SCRN1: variants seen among roughly 807,000 people sequenced by gnomAD.
SCRN1 encodes the protein secernin 1, also known as secernin-1.
SCRN1 carries 19 observed loss-of-function variants against 43.3 expected under a neutral mutation model. That is an observed-to-expected ratio of 0.44 (90% confidence interval 0.31 to 0.64). The LOEUF (loss-of-function observed/expected upper bound fraction) is 0.64, where lower values mean the gene tolerates loss of function less well. Among genes scored for constraint, SCRN1 ranks in the 30% least tolerant of loss-of-function variants. The pLI, the probability that SCRN1 is intolerant of heterozygous loss-of-function variation, is 0.09. For synonymous variants in SCRN1, 183 were observed against 188.9 expected, an observed-to-expected ratio of 0.97 and a Z score of 0.26; for missense variants, 447 against 524.1, an observed-to-expected ratio of 0.85 and a Z score of 1.44.
intron 2 of SCRN1, among the ~76,000 whole-genome samples, chr7:29,955,650 T>C (rs1216967335): frequency 6.6e-6 from 1 of 152,298 alleles, no homozygotes; most frequent in African/African-American, 2.4e-5. Context: ...GCCTGCCCAT[T>C]TCAACAGGCA....
chr7:29,948,972 C>A (rs766977268), intron 3 of SCRN1, among the ~76,000 whole-genome samples: 1 of 152,162 alleles, frequency 6.6e-6, no homozygotes, highest in Admixed American at 6.5e-5. Context: ...TAGTTCTCAT[C>A]CATGTTGAGG....
rs751577421 is a variant in SCRN1, at chr7:29,965,979, T to C, written c.159+2930A>G. On this transcript the variant is annotated intron_variant, in intron 2 of 7. Coordinates refer to ENST00000242059, the MANE Select transcript of SCRN1 (RefSeq NM_014766.5). The surrounding 1 kb of genome is among the most constrained non-coding windows in gnomAD (Gnocchi z 4.2). ...CTACTTAACAAATTACCCCAAAATT[T>C]AGTGGTGTAAAACAACTTTTTTAAT... is the stretch of plus-strand genomic sequence containing the variant. Among the ~76,000 whole-genome samples the C allele has an allele frequency of 2.6e-5, 4 of 152,116 alleles. No individual in the cohort carries two copies. The highest frequency in any genetic ancestry group is 4.8e-5 in the African/African-American group (2 of 41,394).
intron 2 of SCRN1, among the ~76,000 whole-genome samples, chr7:29,958,954 A>T (rs1454031349): frequency 6.6e-6 from 1 of 152,224 alleles, no homozygotes; most frequent in Non-Finnish European, 1.5e-5. Flanking sequence ...GTTAGGTTGG[A>T]GGATAGAAAA....
At chr7:29,947,159 T>G in intron 3 of SCRN1, 1 of 1,544,330 alleles carries the variant, frequency 6.5e-7, no homozygotes, top group Non-Finnish European at 8.7e-7. Flanking sequence ...GCAGTTCGAA[T>G]TCTTCCAAAG....
chr7:29,975,413 A>G (rs1788793905), intron 1 of SCRN1, among the ~76,000 whole-genome samples: 1 of 152,230 alleles, frequency 6.6e-6, no homozygotes, highest in Non-Finnish European at 1.5e-5. Context: ...GTGTTACACT[A>G]TAGGCCTGAA....
intron 1 of SCRN1, chr7:29,969,321 C>T (rs1583689581): frequency 2.0e-6 from 1 of 489,008 alleles, no homozygotes; most frequent in Non-Finnish European, 3.7e-6. Flanking sequence ...ACAGCGGCAG[C>T]CAAAAGTGCA....
intron 1 of SCRN1, among the ~76,000 whole-genome samples, chr7:29,976,783 C>T (rs930854013): frequency 7.2e-5 from 11 of 152,210 alleles, no homozygotes; most frequent in African/African-American, 2.7e-4. Flanking sequence ...GATAGTAGTG[C>T]TTCCCTGGAG....
chr7:29,925,614 G>A (rs1306662900), intron 7 of SCRN1, among the ~76,000 whole-genome samples: 1 of 152,134 alleles, frequency 6.6e-6, no homozygotes, highest in Non-Finnish European at 1.5e-5. Context: ...ACGTGCTTTG[G>A]GTGGTTTTCT....
At chr7:29,942,500 AT>A (rs1467768725) in intron 4 of SCRN1, among the ~76,000 whole-genome samples, 2 of 152,254 alleles carry the variant, frequency 1.3e-5, no homozygotes, top group Non-Finnish European at 2.9e-5. Context: ...TAAAAGCAAT[AT>A]GACTGCTTTG....
At chr7:29,966,171 G>C (rs530368062) in intron 2 of SCRN1, among the ~76,000 whole-genome samples, 1 of 146,278 alleles carries the variant, frequency 6.8e-6, no homozygotes, top group East Asian at 2.0e-4. Context: ...GAGAGAGAGA[G>C]AGAGAGAGAG....
intron 5 of SCRN1, among the ~76,000 whole-genome samples, chr7:29,940,194 A>G (rs186691115): frequency 1.3e-5 from 2 of 152,094 alleles, no homozygotes; most frequent in Admixed American, 6.5e-5. Context: ...AAATAAATAA[A>G]TAAATAAAAT....
chr7:29,936,737 A>G lies in SCRN1; in HGVS notation c.740-16T>C. On this transcript the variant is annotated splice_polypyrimidine_tract_variant and intron_variant, in intron 5 of 7. Coordinates refer to ENST00000242059, the MANE Select transcript of SCRN1 (RefSeq NM_014766.5). ...GTGATGCTTTCTGCAAAAACACAAA[A>G]GACAGACAAATGGAAAGAGTAGATA... is the stretch of plus-strand genomic sequence containing the variant. 1 of 1,523,178 alleles carries G rather than the reference A, an allele frequency of 6.6e-7. No individual in the cohort carries two copies. 94.4% of individuals were successfully genotyped at this position (1,523,178 alleles called of 1,614,324 possible). A position where few individuals can be genotyped will look rare whatever the true frequency, so the allele number is the denominator to read the frequency against.
At chr7:29,977,753 A>T (rs187400843) in intron 1 of SCRN1, among the ~76,000 whole-genome samples, 5 of 152,346 alleles carry the variant, frequency 3.3e-5, no homozygotes, top group Non-Finnish European at 5.9e-5. Context: ...CCTGGGTTCA[A>T]ATCTCAGCCC....
chr7:29,982,682 C>CA (rs10538004), intron 1 of SCRN1, among the ~76,000 whole-genome samples: 138 of 64,472 alleles, frequency 2.1e-3, no homozygotes, highest in African/African-American at 2.6e-3. Context: ...GACCCTGTCT[C>CA]AAAAAAAAAA....
intron 1 of SCRN1, among the ~76,000 whole-genome samples, chr7:29,981,889 A>G (rs1355674440): frequency 1.3e-5 from 2 of 152,226 alleles, no homozygotes; most frequent in Non-Finnish European, 2.9e-5. Context: ...GTTGAGAAGA[A>G]CATTCCATAG....
rs768095211 is a variant in SCRN1 at position 29,924,131 on chromosome 7, A to G, written c.1087-16T>C. ...GACCTTGCTCCTGAGGAAGGACACG[A>G]CTGCTTTAGGTGTCAGCAAAATAGC... On this transcript the variant is annotated splice_polypyrimidine_tract_variant and intron_variant, in intron 7 of 7. Coordinates refer to ENST00000242059, the MANE Select transcript of SCRN1 (RefSeq NM_014766.5). 1.2e-6 allele frequency: 2 copies of G among 1,606,052 alleles called. No homozygotes were observed. Among genetic ancestry groups the G allele is most frequent in the Admixed American group, 1.7e-5 (1 of 58,540 alleles).
intron 2 of SCRN1, among the ~76,000 whole-genome samples, chr7:29,962,199 A>G (rs1286162316): frequency 6.7e-6 from 1 of 148,234 alleles, no homozygotes; most frequent in Non-Finnish European, 1.5e-5. Context: ...ACATATAATT[A>G]AATTATACAA....
At chr7:29,934,671 A>G (rs927106954) in intron 6 of SCRN1, among the ~76,000 whole-genome samples, 6 of 152,236 alleles carry the variant, frequency 3.9e-5, no homozygotes, top group African/African-American at 1.4e-4. Flanking sequence ...AGTGGGTAGA[A>G]GGTATGGCCA....
intron 3 of SCRN1, among the ~76,000 whole-genome samples, chr7:29,944,662 C>CAA (rs397729276): frequency 0.031 from 2,403 of 77,610 alleles, 45 homozygotes; most frequent in South Asian, 0.073. Flanking sequence ...GACCCTGTCT[C>CAA]AAAAAAAAAA....
Sources: allele counts gnomAD v4.1 joint callset (sites outside exome capture counted in the v4.1 genomes callset), GRCh38; gene constraint gnomAD v4.1.1; non-coding constraint Gnocchi (gnomAD v3.1); transcripts MANE v1.5; gene names NCBI Gene and HGNC (gene_info 2026-07-23, HGNC 2026-07-21).